Variants in SPACA1 observed in about 807,000 individuals in gnomAD.
SPACA1 encodes sperm acrosome membrane-associated protein 1.
In SPACA1, 17 loss-of-function variants were observed where a neutral mutation model predicts 32.6. That is an observed-to-expected ratio of 0.52 (90% CI 0.36 to 0.78). The LOEUF (loss-of-function observed/expected upper bound fraction) is 0.78. Among genes scored for constraint, SPACA1 ranks in the 30% least tolerant of loss-of-function variants. The probability of loss-of-function intolerance (pLI) is 0.01; values close to 1 mark genes in which losing one functional copy is unlikely to be tolerated. For missense variants in SPACA1, 363 were observed against 373.4 expected, an observed-to-expected ratio of 0.97 and a Z score of 0.23; for synonymous variants, 140 against 138.1, an observed-to-expected ratio of 1.01 and a Z score of -0.10.
At chr6:88,055,984 C>G (rs1212156682) in intron 2 of SPACA1, among the ~76,000 whole-genome samples, 1 of 151,888 alleles carries the variant, frequency 6.6e-6, no homozygotes, top group African/African-American at 2.4e-5. Context: ...CAAAACAAAA[C>G]AAACAACAAC....
intron 2 of SPACA1, among the ~76,000 whole-genome samples, chr6:88,055,445 C>A (rs1313489792): frequency 6.6e-6 from 1 of 152,034 alleles, no homozygotes. Context: ...AAAAAATAAA[C>A]TAGGAAAAGC....
intron 6 of SPACA1, among the ~76,000 whole-genome samples, chr6:88,065,305 G>A (rs970755018): frequency 6.8e-6 from 1 of 146,932 alleles, no homozygotes; most frequent in African/African-American, 2.5e-5. Context: ...TTAGAGAAGA[G>A]GTAATATATA....
intron 6 of SPACA1, among the ~76,000 whole-genome samples, chr6:88,064,963 T>A (rs1261641455): frequency 6.7e-6 from 1 of 148,572 alleles, no homozygotes; most frequent in Non-Finnish European, 1.5e-5. Flanking sequence ...TTACCTCATA[T>A]CTAAGAAGTG....
chr6:88,059,330 C>T (rs990004415), intron 4 of SPACA1, 123 bp from the exon 5 acceptor site: 1 of 822,640 alleles, frequency 1.2e-6, no homozygotes, highest in Non-Finnish European at 1.8e-6. Context: ...CCATGTAGAT[C>T]ATTAATTACT....
intron 1 of SPACA1, among the ~76,000 whole-genome samples, chr6:88,053,116 G>A (rs115788074): frequency 1.3e-5 from 2 of 152,172 alleles, no homozygotes; most frequent in African/African-American, 4.8e-5. Context: ...AAGCCTGACA[G>A]CATTTAATTA....
At chr6:88,065,192 TATAC>T (rs891372200) in intron 6 of SPACA1, among the ~76,000 whole-genome samples, 18 of 148,724 alleles carry the variant, frequency 1.2e-4, no homozygotes, top group South Asian at 4.2e-4. Flanking sequence ...GTATTATGTA[TATAC>T]ATACATATAC....
chr6:88,060,283 T>A (rs1188839789), intron 5 of SPACA1, among the ~76,000 whole-genome samples: 1 of 152,190 alleles, frequency 6.6e-6, no homozygotes, highest in Non-Finnish European at 1.5e-5. Flanking sequence ...CTGTTCTAAT[T>A]GTTGTTATCA....
At chr6:88,058,907 C>A (rs764706439) in intron 4 of SPACA1, 85 bp downstream of exon 4, 2 of 884,830 alleles carry the variant, frequency 2.3e-6, no homozygotes, top group Admixed American at 3.0e-5. Context: ...AGAAAACTTT[C>A]TTTTTAAAAG....
chr6:88,052,199 T>G (rs373993703), intron 1 of SPACA1, among the ~76,000 whole-genome samples: 1 of 152,344 alleles, frequency 6.6e-6, no homozygotes, highest in East Asian at 1.9e-4. Flanking sequence ...GAAAGGGACT[T>G]TAGAAACTTT....
In SPACA1 at chr6:88,061,051, A is replaced by G. The variant is rs79352781; in HGVS notation, c.610+1463A>G. On this transcript the variant is annotated intron_variant, in intron 5 of 6. Transcript: ENST00000237201. ...TCTACTAATTTCTTTAAACATGACA[A>G]TTGGGTACACCACTGCAACAGACCC... is the stretch of plus-strand genomic sequence containing the variant. Among the ~76,000 whole-genome samples, 245 of 152,300 alleles carry G rather than the reference A, an allele frequency of 1.6e-3. 1 individual carries two copies. The highest frequency in any genetic ancestry group is 5.7e-3 in the African/African-American group (235 of 41,568).
intron 6 of SPACA1, among the ~76,000 whole-genome samples, chr6:88,065,350 T>C (rs1224443948): frequency 6.8e-6 from 1 of 148,020 alleles, no homozygotes; most frequent in African/African-American, 2.5e-5. Flanking sequence ...AATACATACA[T>C]AATATTATAT....
chr6:88,065,117 A>G (rs539020447), intron 6 of SPACA1, among the ~76,000 whole-genome samples: 1 of 148,734 alleles, frequency 6.7e-6, no homozygotes, highest in Non-Finnish European at 1.5e-5. Context: ...CATCATATAT[A>G]TTACATATGT....
At position 88,048,128 on chromosome 6, in the gene SPACA1, T is replaced by TC. The variant is rs1377038232; in HGVS notation, c.208+18dup. ...AACCGAGGATGGTGAGGGCGGGAGC[T>TC]CCCTTGCGGGGCACGCGGAGGCCCC... On this transcript the variant is annotated intron_variant, in intron 1 of 6. Transcript: ENST00000237201. The TC allele has an allele frequency of 5.1e-6, 8 of 1,572,500 alleles. No homozygotes were observed. Among genetic ancestry groups the TC allele is most frequent in the Non-Finnish European group, 6.9e-6 (8 of 1,158,084 alleles).
At position 88,053,993 on chromosome 6, in the gene SPACA1, G is replaced by A. The variant is rs762878545; in HGVS notation, c.256G>A (p.Val86Ile). 1.5e-5 allele frequency: 24 copies of A among 1,613,142 alleles called. No homozygotes were observed. Among genetic ancestry groups the A allele is most frequent in the South Asian group, 1.4e-4 (13 of 90,982 alleles). ...VKEVEFGMCTVTCGIGVREVI... is the reference protein window; with the variant it reads ...VKEVEFGMCTITCGIGVREVI... Reference sequence around the variant, plus strand: ...AGAAGTAGAATTCGGAATGTGCACCGTTACATGTGGTAAGTAGCTTGGAGC... The same window carrying A: ...AGAAGTAGAATTCGGAATGTGCACCATTACATGTGGTAAGTAGCTTGGAGC... The change falls in exon 2 of 7, where the codon GTT becomes ATT. Residue 86 changes from valine to isoleucine, a missense_variant. Coordinates refer to ENST00000237201, the MANE Select transcript of SPACA1 (RefSeq NM_030960.3).
At position 88,047,852 on chromosome 6, in the gene SPACA1, C is replaced by CG. The variant is rs1160968263; in HGVS notation, c.-54_-53insG. Reference sequence around the variant, plus strand: ...TCGCAGCTCTCTTCGACGTACCTGTCCTCAGGAGCCGCGGCGGCGACTGCG... The same window carrying CG: ...TCGCAGCTCTCTTCGACGTACCTGTCGCTCAGGAGCCGCGGCGGCGACTGCG... On this transcript the variant is annotated 5_prime_UTR_variant, in exon 1 of 7. Coordinates refer to ENST00000237201, the MANE Select transcript of SPACA1 (RefSeq NM_030960.3). The CG allele has an allele frequency of 6.8e-7, 1 of 1,470,548 alleles. No homozygotes were observed. The highest frequency in any genetic ancestry group is 9.0e-7 in the Non-Finnish European group (1 of 1,106,164). 91.1% of individuals were successfully genotyped at this position (1,470,548 alleles called of 1,614,324 possible).
Position 88,047,939 on chromosome 6 carries a change from C to T in SPACA1, c.34C>T (p.Leu12=). ...CAGGGGCACGGGCTGCTCCGCCGGG[C>T]TGCTGATGACTGTCGGCTGGCTGCT... The part of the protein sequence containing the change: ...SPRGTGCSAG[L]LMTVGWLLLA... Residue 12 remains leucine (L), a synonymous_variant, in exon 1 of 7, where the codon CTG becomes TTG. Transcript: ENST00000237201. The T allele has an allele frequency of 6.4e-7, 1 of 1,566,788 alleles. No individual in the cohort carries two copies. Among genetic ancestry groups the T allele is most frequent in the Non-Finnish European group, 8.6e-7 (1 of 1,156,666 alleles).
Position 88,048,015 on chromosome 6 carries a change from A to C in SPACA1, c.110A>C (p.Gln37Pro). The change falls in exon 1 of 7, where the codon CAG (glutamine) becomes CCG (proline). Residue 37 changes from glutamine (Q) to proline (P), a missense_variant. Coordinates refer to ENST00000237201, the MANE Select transcript of SPACA1 (RefSeq NM_030960.3). ...GGGACCAACGTCACCGCTGCCGTCC[A>C]GGATGCCGGCCTGGCCCACGAAGGC... ...ARGTNVTAAV[Q>P]DAGLAHEGEG... 6.3e-7 allele frequency: 1 copy of C among 1,594,384 alleles called. No individual in the cohort carries two copies. The highest frequency in any genetic ancestry group is 8.5e-7 in the Non-Finnish European group (1 of 1,172,512).
At chr6:88,051,342 C>T (rs777786157) in intron 1 of SPACA1, among the ~76,000 whole-genome samples, 13 of 152,094 alleles carry the variant, frequency 8.5e-5, no homozygotes, top group Non-Finnish European at 1.5e-4. Context: ...ACAAATATAA[C>T]TATATGTTAT....
At chr6:88,064,400 T>A (rs767353067) in intron 6 of SPACA1, 181 bp downstream of exon 6, 1 of 429,706 alleles carries the variant, frequency 2.3e-6, no homozygotes, top group Non-Finnish European at 4.0e-6. Context: ...TTTATGTAGA[T>A]GCTTTTTAAA....
Sources: allele counts gnomAD v4.1 joint callset (sites outside exome capture counted in the v4.1 genomes callset), GRCh38; gene constraint gnomAD v4.1.1; transcripts MANE v1.5; gene names NCBI Gene and HGNC (gene_info 2026-07-23, HGNC 2026-07-21).